SGCZ: variants seen among roughly 807,000 people sequenced by gnomAD.
SGCZ encodes the protein zeta-sarcoglycan.
A neutral mutation model predicts 41.3 loss-of-function variants in SGCZ; 40 were observed. The observed-to-expected ratio is 0.97, with a 90% CI of 0.75 to 1.26. The LOEUF (loss-of-function observed/expected upper bound fraction) is 1.26. Ranked by LOEUF, SGCZ falls within the 50% of genes most tolerant of loss-of-function variation. The probability of loss-of-function intolerance (pLI) is 0.00; values close to 1 mark genes in which losing one functional copy is unlikely to be tolerated. For synonymous variants in SGCZ, 206 were observed against 137.5 expected (o/e 1.50, Z -3.49); for missense variants, 552 against 369.8 (o/e 1.49, Z -4.04).
At chr8:15,006,544 C>T (rs1385003643) in intron 1 of SGCZ, among the ~76,000 whole-genome samples, 1 of 152,116 alleles carries the variant, frequency 6.6e-6, no homozygotes, top group South Asian at 2.1e-4. Context: ...GTTTACCCCA[C>T]GAAGAAAATA....
chr8:14,328,019 A>G (rs1004943516), intron 2 of SGCZ, among the ~76,000 whole-genome samples: 1 of 152,140 alleles, frequency 6.6e-6, no homozygotes, highest in Non-Finnish European at 1.5e-5. Flanking sequence ...CCGTGTTGTA[A>G]ATCTAATCGC....
intron 3 of SGCZ, among the ~76,000 whole-genome samples, chr8:14,282,699 T>C (rs1800487276): frequency 6.6e-6 from 1 of 152,134 alleles, no homozygotes; most frequent in Non-Finnish European, 1.5e-5. Context: ...TTTCACTTCC[T>C]CAAATGTTCC....
intron 1 of SGCZ, among the ~76,000 whole-genome samples, chr8:14,884,880 T>C (rs1353249184): frequency 3.3e-5 from 5 of 152,104 alleles, no homozygotes; most frequent in Non-Finnish European, 5.9e-5. Flanking sequence ...GATACTAAAC[T>C]CACTGGTTCC....
At chr8:14,988,409 C>G (rs1191712586) in intron 1 of SGCZ, among the ~76,000 whole-genome samples, 2 of 151,994 alleles carry the variant, frequency 1.3e-5, no homozygotes, top group African/African-American at 4.8e-5. Context: ...ACTTCAACAT[C>G]TCTTCCTTAG....
chr8:14,574,033 A>T lies in SGCZ; in HGVS notation c.40-19107T>A, dbSNP rs1310947426. Among the ~76,000 whole-genome samples the T allele has an allele frequency of 2.0e-5, 3 of 152,172 alleles. No homozygotes were observed. The East Asian group carries it at 5.8e-4, about 29-fold the overall frequency. ...GAAACTCCTGGGAGCTATGGGTCCC[A>T]TAGCAGCAATCCAAACACTGTTGAT... On this transcript the variant is annotated intron_variant, in intron 1 of 7. Coordinates refer to ENST00000382080, the MANE Select transcript of SGCZ (RefSeq NM_139167.4).
chr8:14,461,576 A>C (rs767353165), intron 2 of SGCZ, among the ~76,000 whole-genome samples: 2 of 152,066 alleles, frequency 1.3e-5, no homozygotes, highest in African/African-American at 2.4e-5. Context: ...GACCTAGACG[A>C]ATCAGTATGG....
chr8:14,391,443 T>C (rs1248499926), intron 2 of SGCZ, among the ~76,000 whole-genome samples: 2 of 152,298 alleles, frequency 1.3e-5, no homozygotes, highest in East Asian at 3.9e-4. Context: ...ATTCCATATG[T>C]ATCAAAAAAG....
intron 4 of SGCZ, among the ~76,000 whole-genome samples, chr8:14,182,918 G>T (rs1024489297): frequency 6.6e-6 from 1 of 151,276 alleles, no homozygotes; most frequent in Non-Finnish European, 1.5e-5. Context: ...GCTGAGACAG[G>T]AGAATCGCTT....
At chr8:14,592,165 C>T (rs1264598543) in intron 1 of SGCZ, among the ~76,000 whole-genome samples, 1 of 152,060 alleles carries the variant, frequency 6.6e-6, no homozygotes, top group Non-Finnish European at 1.5e-5. Flanking sequence ...TTCATTTGTT[C>T]ATTTAAACAT....
At chr8:14,293,016 C>G (rs1800891532) in intron 3 of SGCZ, among the ~76,000 whole-genome samples, 1 of 151,928 alleles carries the variant, frequency 6.6e-6, no homozygotes, top group South Asian at 2.1e-4. Flanking sequence ...AGAATGGTTT[C>G]ATTCACATCT....
intron 3 of SGCZ, among the ~76,000 whole-genome samples, chr8:14,239,771 G>A (rs931808392): frequency 6.7e-6 from 1 of 149,242 alleles, no homozygotes; most frequent in African/African-American, 2.5e-5. Flanking sequence ...GCGTAGTGGC[G>A]GGCGCCTGTA....
At chr8:14,255,224 A>G (rs1364144611) in intron 3 of SGCZ, among the ~76,000 whole-genome samples, 1 of 152,138 alleles carries the variant, frequency 6.6e-6, no homozygotes, top group Non-Finnish European at 1.5e-5. Flanking sequence ...GAATCATTCC[A>G]GTCATAATTG....
intron 2 of SGCZ, among the ~76,000 whole-genome samples, chr8:14,419,371 C>T (rs1209096564): frequency 2.6e-5 from 4 of 151,858 alleles, no homozygotes; most frequent in Non-Finnish European, 4.4e-5. Context: ...CCTCACTTAG[C>T]ATTGTTGATA....
intron 1 of SGCZ, among the ~76,000 whole-genome samples, chr8:14,664,760 CAT>C (rs1174809818): frequency 6.6e-6 from 1 of 152,168 alleles, no homozygotes; most frequent in Non-Finnish European, 1.5e-5. Flanking sequence ...ACATTACTCT[CAT>C]AATTTGAATT....
At chr8:15,132,674 A>T (rs1002221523) in intron 1 of SGCZ, among the ~76,000 whole-genome samples, 1 of 152,152 alleles carries the variant, frequency 6.6e-6, no homozygotes, top group Non-Finnish European at 1.5e-5. Context: ...AGCAATTGGT[A>T]AATATTGAGG....
intron 2 of SGCZ, among the ~76,000 whole-genome samples, chr8:14,467,019 G>C (rs1224138190): frequency 6.6e-6 from 1 of 151,436 alleles, no homozygotes; most frequent in Non-Finnish European, 1.5e-5. Flanking sequence ...CATCCCTTTA[G>C]ATTCTCCTCA....
chr8:14,577,907 A>G (rs1328249095), intron 1 of SGCZ, among the ~76,000 whole-genome samples: 2 of 152,224 alleles, frequency 1.3e-5, no homozygotes, highest in Non-Finnish European at 1.5e-5. Flanking sequence ...TATTTAATAA[A>G]TGAGGAAATG....
At chr8:14,263,947 C>T (rs1266961761) in intron 3 of SGCZ, among the ~76,000 whole-genome samples, 1 of 152,192 alleles carries the variant, frequency 6.6e-6, no homozygotes, top group Non-Finnish European at 1.5e-5. Context: ...AGCATGAAGC[C>T]CAGTATTGGG....
chr8:14,421,469 A>C (rs2117306829), intron 2 of SGCZ, among the ~76,000 whole-genome samples: 1 of 152,268 alleles, frequency 6.6e-6, no homozygotes, highest in South Asian at 2.1e-4. Context: ...CAATGTTGTG[A>C]TCTCCATGAC....
Sources: gnomAD v4.1 joint callset for allele counts (sites outside exome capture counted in the v4.1 genomes callset) on GRCh38, gnomAD v4.1.1 for gene constraint, MANE v1.5 for transcripts, NCBI Gene and HGNC (gene_info 2026-07-23, HGNC 2026-07-21) for gene names.